Variants in PAK2 observed in about 807,000 individuals in gnomAD.
The protein encoded by PAK2 is serine/threonine-protein kinase PAK 2.
PAK2 carries 21 observed loss-of-function variants against 65.9 expected under a neutral mutation model. That is an observed-to-expected ratio of 0.32 (90% confidence interval 0.23 to 0.46). The LOEUF is 0.46. Ranked by LOEUF, PAK2 falls within the 20% of genes least tolerant of loss-of-function variation. The pLI is 1.00. For missense variants in PAK2, 324 were observed against 642.6 expected (o/e 0.50, Z 5.36); for synonymous variants, 204 against 219.7 (o/e 0.93, Z 0.63).
intron 4 of PAK2, among the ~76,000 whole-genome samples, chr3:196,805,081 G>A (rs1163111594): frequency 6.6e-6 from 1 of 151,648 alleles, no homozygotes. Flanking sequence ...GCTTTATTGA[G>A]GTATAATTTA....
chr3:196,742,337 C>T (rs567977707), intron 1 of PAK2, among the ~76,000 whole-genome samples: 106 of 152,262 alleles, frequency 7.0e-4, no homozygotes, highest in African/African-American at 2.5e-3. Context: ...ATCTGCCCGC[C>T]TCAGCCTCCC....
At chr3:196,797,199 T>A (rs1715284456) in intron 2 of PAK2, among the ~76,000 whole-genome samples, 1 of 152,204 alleles carries the variant, frequency 6.6e-6, no homozygotes, top group Non-Finnish European at 1.5e-5. Context: ...GCACGGTGGC[T>A]CATACCTGCA....
chr3:196,764,118 T>C (rs751543406), intron 1 of PAK2, among the ~76,000 whole-genome samples: 1 of 152,084 alleles, frequency 6.6e-6, no homozygotes, highest in Non-Finnish European at 1.5e-5. Context: ...TGCTTTTGTA[T>C]CTTTGCAGAA....
intron 1 of PAK2, among the ~76,000 whole-genome samples, chr3:196,759,254 A>T (rs1011909884): frequency 1.3e-5 from 2 of 151,308 alleles, no homozygotes; most frequent in Non-Finnish European, 2.9e-5. Flanking sequence ...TATTTCTAGA[A>T]CTCTTCTTTT....
chr3:196,780,417 G>A (rs113598807), intron 1 of PAK2, among the ~76,000 whole-genome samples: 3 of 152,216 alleles, frequency 2.0e-5, no homozygotes, highest in Non-Finnish European at 4.4e-5. Context: ...CACGTCTTAC[G>A]TGGATGGTGG....
intron 2 of PAK2, among the ~76,000 whole-genome samples, chr3:196,801,669 C>T (rs1294338524): frequency 6.6e-6 from 1 of 151,738 alleles, no homozygotes; most frequent in Admixed American, 6.6e-5. Context: ...CCTGTCTCTA[C>T]TAAAAATACA....
At chr3:196,754,394 C>T (rs1713703647) in intron 1 of PAK2, among the ~76,000 whole-genome samples, 2 of 152,154 alleles carry the variant, frequency 1.3e-5, no homozygotes, top group South Asian at 4.1e-4. Flanking sequence ...CTTGCCTCTC[C>T]AGGGGACTGG....
At chr3:196,819,526 A>G (rs1560117932) in intron 12 of PAK2, among the ~76,000 whole-genome samples, 1 of 152,222 alleles carries the variant, frequency 6.6e-6, no homozygotes. Flanking sequence ...CAAAGTTTAC[A>G]GAGTATCCTG....
chr3:196,827,479 C>T (rs1711916814), intron 14 of PAK2, 146 bp downstream of exon 14: 2 of 1,465,066 alleles, frequency 1.4e-6, no homozygotes, highest in South Asian at 2.9e-5. Context: ...TTCATCCTAC[C>T]ATGCTGAGCA....
At chr3:196,815,289 T>C (rs1178479129) in intron 11 of PAK2, among the ~76,000 whole-genome samples, 4 of 151,040 alleles carry the variant, frequency 2.6e-5, no homozygotes, top group South Asian at 4.2e-4. Context: ...TCAGGAGTTT[T>C]GAGACCAGCC....
At chr3:196,747,422 GTTC>G (rs1417294510) in intron 1 of PAK2, 1 of 152,092 alleles carries the variant, frequency 6.6e-6, no homozygotes, top group African/African-American at 2.4e-5. Context: ...CATGGACAAT[GTTC>G]TTCTGCTCAG....
intron 6 of PAK2, among the ~76,000 whole-genome samples, chr3:196,807,223 G>A (rs1026353192): frequency 1.3e-5 from 2 of 152,104 alleles, no homozygotes; most frequent in Admixed American, 6.6e-5. Context: ...TAGAGTGTGC[G>A]GAAGGTGCTG....
intron 7 of PAK2, 170 bp downstream of exon 7, chr3:196,808,084 A>G (rs1218489569): frequency 5.3e-6 from 3 of 564,076 alleles, no homozygotes; most frequent in Non-Finnish European, 6.0e-6. Flanking sequence ...CACCAGGTTC[A>G]CCCCTAAATC....
At chr3:196,760,745 A>AT (rs1713932327) in intron 1 of PAK2, among the ~76,000 whole-genome samples, 11 of 152,236 alleles carry the variant, frequency 7.2e-5, no homozygotes, top group Admixed American at 7.2e-4. Flanking sequence ...AAGGTGTGTC[A>AT]TTAGAAAGTG....
chr3:196,822,215 G>A (rs556808638), intron 13 of PAK2, among the ~76,000 whole-genome samples: 5 of 152,288 alleles, frequency 3.3e-5, no homozygotes, highest in South Asian at 4.1e-4. Flanking sequence ...CCTGCCATGC[G>A]CTGAGCACTA....
At chr3:196,741,229 T>TA (rs1294258027) in intron 1 of PAK2, among the ~76,000 whole-genome samples, 9 of 152,220 alleles carry the variant, frequency 5.9e-5, no homozygotes, top group Non-Finnish European at 1.0e-4. Context: ...TCCGCTCTTA[T>TA]AAGTAGGCAG....
chr3:196,774,111 G>A (rs1408164324), intron 1 of PAK2, among the ~76,000 whole-genome samples: 1 of 152,224 alleles, frequency 6.6e-6, no homozygotes, highest in Non-Finnish European at 1.5e-5. Context: ...TACATGCACA[G>A]TACCTGCCTT....
Position 196,814,968 on chromosome 3 carries a change from A to G in PAK2, c.1053+400A>G, listed in dbSNP as rs535290611. ...GCCGAGGCGGGTGGATCACAAGGTCAGGAGATCGAGACCATCCTGGCTAAC... is the reference window on the plus strand; with the variant it reads ...GCCGAGGCGGGTGGATCACAAGGTCGGGAGATCGAGACCATCCTGGCTAAC... On this transcript the variant is annotated intron_variant, in intron 11 of 14. Coordinates refer to ENST00000327134, the MANE Select transcript of PAK2 (RefSeq NM_002577.4). Among the ~76,000 whole-genome samples, 9 of 150,820 alleles carry G rather than the reference A, an allele frequency of 6.0e-5. No individual in the cohort carries two copies. In the East Asian group the frequency reaches 1.8e-3, roughly 30 times the overall value.
chr3:196,759,521 T>TGG (rs1713889947), intron 1 of PAK2, among the ~76,000 whole-genome samples: 2 of 130,732 alleles, frequency 1.5e-5, no homozygotes, highest in East Asian at 4.3e-4. Flanking sequence ...TTTTTTTTTT[T>TGG]TTTTTTTTTT....
Sources: gnomAD v4.1 joint callset for allele counts (sites outside exome capture counted in the v4.1 genomes callset) on GRCh38, gnomAD v4.1.1 for gene constraint, MANE v1.5 for transcripts, NCBI Gene and HGNC (gene_info 2026-07-23, HGNC 2026-07-21) for gene names.